Variants in GPD2 observed in about 807,000 individuals in gnomAD.
GPD2 encodes the protein glycerol-3-phosphate dehydrogenase 2, also known as glycerol-3-phosphate dehydrogenase, mitochondrial.
Under a neutral mutation model 82.4 loss-of-function variants are expected in GPD2, and 54 were observed. The ratio of observed to expected loss-of-function variants is 0.66; its 90% CI spans 0.53 to 0.82. GPD2 has a LOEUF of 0.82. GPD2 is among the 40% of genes least tolerant of loss of function. GPD2 has a pLI of 0.00. For missense variants in GPD2, 748 were observed against 896.2 expected, an observed-to-expected ratio of 0.83 and a Z score of 2.11; for synonymous variants, 288 against 306.1, an observed-to-expected ratio of 0.94 and a Z score of 0.62.
chr2:156,458,963 G>A (rs1200458612), intron 1 of GPD2, among the ~76,000 whole-genome samples: 1 of 151,358 alleles, frequency 6.6e-6, no homozygotes, highest in Non-Finnish European at 1.5e-5. Flanking sequence ...ACCTTCACTT[G>A]TGAGTGTGTA....
the GPD2 span, among the ~76,000 whole-genome samples, chr2:156,428,312 A>G: frequency 1.3e-3 from 191 of 152,330 alleles, 4 homozygotes; most frequent in African/African-American, 3.9e-3. Context: ...GGTGGGCCTC[A>G]TGGTGAAAAA....
the GPD2 span, among the ~76,000 whole-genome samples, chr2:156,401,297 T>C: frequency 1.3e-5 from 2 of 152,244 alleles, no homozygotes; most frequent in African/African-American, 2.4e-5. Context: ...CGTATTTGTG[T>C]ATTCAAAAAC....
intron 6 of GPD2, among the ~76,000 whole-genome samples, chr2:156,534,249 C>CT (rs1685978029): frequency 2.6e-5 from 2 of 76,174 alleles, no homozygotes; most frequent in African/African-American, 4.3e-5. Context: ...TTTCTCTTCT[C>CT]TCCTCTGCTG....
In GPD2 at chr2:156,522,773, A is replaced by G. The variant is rs1025501325; in HGVS notation, c.661+9277A>G. Among the ~76,000 whole-genome samples the G allele has an allele frequency of 2.2e-4, 34 of 152,134 alleles. 5 individuals carry two copies. Among genetic ancestry groups the G allele is most frequent in the Admixed American group, 2.0e-3 (30 of 15,296 alleles). ...TATGATCTCTATTTTACAGGAAGGAAGAGGAATCATAGCTAAAAATCTACA... is the reference window on the plus strand; with the variant it reads ...TATGATCTCTATTTTACAGGAAGGAGGAGGAATCATAGCTAAAAATCTACA... On this transcript the variant is annotated intron_variant, in intron 6 of 16. Coordinates refer to ENST00000438166, the MANE Select transcript of GPD2 (RefSeq NM_000408.5).
chr2:156,429,289 A>G, the GPD2 span, among the ~76,000 whole-genome samples: 1 of 152,212 alleles, frequency 6.6e-6, no homozygotes. Flanking sequence ...TACTCTGAAA[A>G]GCTGAATTCT....
In GPD2 at chr2:156,561,040, C is replaced by CTTTTT. The variant is rs35948070; in HGVS notation, c.1165+3479_1165+3483dup. On this transcript the variant is annotated intron_variant, in intron 9 of 16. Transcript: ENST00000438166. ...GAAACTGAGGCCCAGTGACATTAAG[C>CTTTTT]TTTTTTTTTTTTTTTTTTTTTTTTT... Among the ~76,000 whole-genome samples, 177 of 27,616 alleles carry CTTTTT rather than the reference C, an allele frequency of 6.4e-3. 42 individuals are homozygous for CTTTTT. Among genetic ancestry groups the CTTTTT allele is most frequent in the African/African-American group, 0.02 (139 of 7,088 alleles). The allele number at this position is 27,616 out of a possible 152,430, so 18.1% of individuals were successfully genotyped here. A position where few individuals can be genotyped will look rare whatever the true frequency, so the allele number is the denominator to read the frequency against.
At position 156,436,414 on chromosome 2, in the gene GPD2, G is replaced by C. The variant is rs527561137; in HGVS notation, c.-108G>C. ...CCCGCGCGCCTCGCTGGGAGCACCC[G>C]GGCCGAGGCTCTGATTCTGGGGGGA... is the stretch of plus-strand genomic sequence containing the variant. On this transcript the variant is annotated 5_prime_UTR_variant, in exon 1 of 17. Transcript: ENST00000438166. 6.6e-6 allele frequency: 1 copy of C among 152,360 alleles called. No individual in the cohort carries two copies. Among genetic ancestry groups the C allele is most frequent in the Non-Finnish European group, 1.5e-5 (1 of 68,180 alleles). 9.4% of individuals were successfully genotyped at this position (152,360 alleles called of 1,614,324 possible).
Position 156,447,054 on chromosome 2 carries a change from T to G in GPD2, c.-9+10541T>G, listed in dbSNP as rs981183563. On this transcript the variant is annotated intron_variant, in intron 1 of 16. Transcript: ENST00000438166. ...TGCCTTATTCTATGACATTTTTCTATGCTTACCTGCATGTATTTATTTGTT... is the reference window on the plus strand; with the variant it reads ...TGCCTTATTCTATGACATTTTTCTAGGCTTACCTGCATGTATTTATTTGTT... Among the ~76,000 whole-genome samples the G allele has an allele frequency of 2.0e-5, 3 of 152,226 alleles. No individual in the cohort carries two copies. In the South Asian group the frequency reaches 6.2e-4, roughly 32 times the overall value.
intron 2 of GPD2, among the ~76,000 whole-genome samples, chr2:156,487,241 G>A (rs1432701135): frequency 6.6e-6 from 1 of 152,168 alleles, no homozygotes; most frequent in Non-Finnish European, 1.5e-5. Context: ...CCCAGGAGGT[G>A]GAAGTTGTGC....
Position 156,583,157 on chromosome 2 carries a change from T to C in GPD2, c.*239T>C. 2.1e-6 allele frequency: 1 copy of C among 480,240 alleles called. No homozygotes were observed. Among genetic ancestry groups the C allele is most frequent in the Admixed American group, 3.3e-5 (1 of 30,488 alleles). 29.7% of individuals were successfully genotyped at this position (480,240 alleles called of 1,614,324 possible). ...ATTTTTTTCTTTTTCTCATTTTCAA[T>C]GCACATTAGTTTTGCATCTGTTTTG... On this transcript the variant is annotated 3_prime_UTR_variant, in exon 17 of 17. Coordinates refer to ENST00000438166, the MANE Select transcript of GPD2 (RefSeq NM_000408.5).
chr2:156,459,706 A>AAAG (rs1558909079), intron 1 of GPD2, among the ~76,000 whole-genome samples: 181 of 148,970 alleles, frequency 1.2e-3, no homozygotes, highest in African/African-American at 4.2e-3. Context: ...AAAAAAAAAA[A>AAAG]AAAGAAAGAA....
Position 156,469,858 on chromosome 2 carries a change from A to G in GPD2, c.-8-6240A>G, listed in dbSNP as rs532106000. ...AATTGAGGTTTCTATATAAGAAACC[A>G]GAAAGATAGGAGAGTTTTTGTAAAC... On this transcript the variant is annotated intron_variant, in intron 1 of 16. Coordinates refer to ENST00000438166, the MANE Select transcript of GPD2 (RefSeq NM_000408.5). Among the ~76,000 whole-genome samples, 11 of 152,360 alleles carry G rather than the reference A, an allele frequency of 7.2e-5. No homozygotes were observed. The South Asian group carries it at 2.3e-3, about 32-fold the overall frequency.
At chr2:156,449,321 G>C (rs957113337) in intron 1 of GPD2, among the ~76,000 whole-genome samples, 1 of 152,156 alleles carries the variant, frequency 6.6e-6, no homozygotes, top group East Asian at 1.9e-4. Flanking sequence ...GAAACCATTA[G>C]AGGATTATAT....
upstream of GPD2, among the ~76,000 whole-genome samples, chr2:156,432,842 T>G (rs1688332752): frequency 6.6e-6 from 1 of 152,196 alleles, no homozygotes; most frequent in Non-Finnish European, 1.5e-5. Flanking sequence ...GAGTAAATTG[T>G]ATGCTGATCA....
At position 156,583,091 on chromosome 2, in the gene GPD2, T is replaced by C; in HGVS notation, c.*173T>C. ...GTGTATTTGCCAGCTTTATTTGCTG[T>C]ACTTTATTTGTATTTGCCATTCAGT... is the stretch of plus-strand genomic sequence containing the variant. On this transcript the variant is annotated 3_prime_UTR_variant, in exon 17 of 17. Transcript: ENST00000438166. 1 of 699,792 alleles carries C rather than the reference T, an allele frequency of 1.4e-6. No individual in the cohort carries two copies. Among genetic ancestry groups the C allele is most frequent in the Non-Finnish European group, 2.5e-6 (1 of 399,566 alleles). 43.3% of individuals were successfully genotyped at this position (699,792 alleles called of 1,614,324 possible). A position where few individuals can be genotyped will look rare whatever the true frequency, so the allele number is the denominator to read the frequency against.
the GPD2 span, among the ~76,000 whole-genome samples, chr2:156,404,513 C>G: frequency 1.3e-5 from 2 of 151,812 alleles, no homozygotes; most frequent in African/African-American, 2.4e-5. Flanking sequence ...ACTCATTACC[C>G]AGGATGTGAT....
intron 1 of GPD2, among the ~76,000 whole-genome samples, chr2:156,469,990 A>G (rs1395108443): frequency 1.3e-5 from 2 of 152,148 alleles, no homozygotes; most frequent in African/African-American, 4.8e-5. Context: ...GAAGGAATAA[A>G]AGAATGACTA....
At chr2:156,575,397 CT>C (rs1687781206) in intron 13 of GPD2, among the ~76,000 whole-genome samples, 1 of 111,016 alleles carries the variant, frequency 9.0e-6, no homozygotes, top group African/African-American at 3.3e-5. Context: ...CTTTTCTTTT[CT>C]TTTCTTTTTT....
At chr2:156,427,129 G>C in the GPD2 span, among the ~76,000 whole-genome samples, 10 of 152,312 alleles carry the variant, frequency 6.6e-5, no homozygotes, top group East Asian at 1.9e-3. Flanking sequence ...TTCAGTCACA[G>C]GACAACAACT....
Sources: allele counts gnomAD v4.1 joint callset (sites outside exome capture counted in the v4.1 genomes callset), GRCh38; gene constraint gnomAD v4.1.1; transcripts MANE v1.5; gene names NCBI Gene and HGNC (gene_info 2026-07-23, HGNC 2026-07-21).